Variants in EPC1 observed in about 807,000 individuals in gnomAD.
EPC1 encodes the protein enhancer of polycomb homolog 1.
A neutral mutation model predicts 98.4 loss-of-function variants in EPC1; 12 were observed. That is an observed-to-expected ratio of 0.12 (90% CI 0.08 to 0.20). The LOEUF is 0.20. Among genes scored for constraint, EPC1 ranks in the 10% least tolerant of loss-of-function variants. EPC1 has a pLI of 1.00. For missense variants in EPC1, 729 were observed against 990.5 expected, an observed-to-expected ratio of 0.74 and a Z score of 3.54; for synonymous variants, 357 against 363.9, an observed-to-expected ratio of 0.98 and a Z score of 0.21.
chr10:32,370,224 G>T (rs1282449823), intron 1 of EPC1, among the ~76,000 whole-genome samples: 1 of 152,038 alleles, frequency 6.6e-6, no homozygotes, highest in Non-Finnish European at 1.5e-5. Flanking sequence ...TCAATTTTTT[G>T]CTTCACTCCA....
intron 2 of EPC1, among the ~76,000 whole-genome samples, chr10:32,299,831 C>T (rs1346507849): frequency 6.6e-6 from 1 of 152,142 alleles, no homozygotes; most frequent in Non-Finnish European, 1.5e-5. Flanking sequence ...TGCAAATCTC[C>T]TCATCAAAAT....
chr10:32,347,765 T>C (rs1333185719), upstream of EPC1, among the ~76,000 whole-genome samples: 1 of 152,254 alleles, frequency 6.6e-6, no homozygotes, highest in African/African-American at 2.4e-5. Flanking sequence ...GATGCTACTT[T>C]GAGTAAACTT....
At chr10:32,274,081 A>C (rs575455430) in intron 10 of EPC1, 11 of 151,892 alleles carry the variant, frequency 7.2e-5, no homozygotes, top group Admixed American at 6.6e-4. Context: ...TTACCCCCCC[A>C]AAAAAGTGTG....
At chr10:32,376,821 A>G (rs979796045) in intron 1 of EPC1, among the ~76,000 whole-genome samples, 10 of 152,152 alleles carry the variant, frequency 6.6e-5, no homozygotes, top group Non-Finnish European at 1.5e-4. Flanking sequence ...AATCTTATGG[A>G]AAAGTGGTCT....
Position 32,286,951 on chromosome 10 carries a change from C to G in EPC1, c.1217G>C (p.Arg406Thr), listed in dbSNP as rs1192951277. The G allele has an allele frequency of 6.2e-7, 1 of 1,613,756 alleles. No individual in the cohort carries two copies. The highest frequency in any genetic ancestry group is 1.1e-5 in the South Asian group (1 of 91,018). The stretch of plus-strand genomic sequence containing the variant: ...AGCATAGTACTGACAGCCTGCTTTC[C>G]TACGGAAAGCAAAAGGACCATCAGG... ...NDPDGPFAFR[R>T]KAGCQYYAPH... Residue 406 changes from arginine to threonine, a missense_variant, in exon 8 of 14, where the codon AGG (arginine) becomes ACG (threonine). Coordinates refer to ENST00000319778, the MANE Select transcript of EPC1 (RefSeq NM_001272004.3).
At chr10:32,358,999 C>T (rs1375270586) in intron 1 of EPC1, among the ~76,000 whole-genome samples, 1 of 152,160 alleles carries the variant, frequency 6.6e-6, no homozygotes, top group Admixed American at 6.5e-5. Flanking sequence ...GGAAGTCCTG[C>T]AGAAAAGAAA....
At chr10:32,310,914 C>T (rs1297420017) in intron 1 of EPC1, among the ~76,000 whole-genome samples, 1 of 151,444 alleles carries the variant, frequency 6.6e-6, no homozygotes, top group Non-Finnish European at 1.5e-5. Flanking sequence ...TTATCTTTAA[C>T]AGTCAAGAAA....
intron 1 of EPC1, among the ~76,000 whole-genome samples, chr10:32,378,285 T>A (rs1263101876): frequency 6.6e-6 from 1 of 150,556 alleles, no homozygotes; most frequent in East Asian, 2.0e-4. Flanking sequence ...ATTTATATTA[T>A]AAACATTTAG....
intron 1 of EPC1, among the ~76,000 whole-genome samples, chr10:32,342,763 C>A (rs573547603): frequency 6.6e-6 from 1 of 152,306 alleles, no homozygotes; most frequent in African/African-American, 2.4e-5. Flanking sequence ...CCCTAGACAA[C>A]CCAATGAAAA....
chr10:32,270,881 G>A (rs1250572791), intron 13 of EPC1, among the ~76,000 whole-genome samples: 2 of 150,514 alleles, frequency 1.3e-5, no homozygotes, highest in Non-Finnish European at 2.9e-5. Context: ...ATGGGGCAGG[G>A]GTTTCTATCA....
intron 2 of EPC1, among the ~76,000 whole-genome samples, chr10:32,295,668 T>A (rs1018880358): frequency 6.6e-6 from 1 of 152,174 alleles, no homozygotes; most frequent in African/African-American, 2.4e-5. Context: ...ATAATGCAGG[T>A]CTATGTTGTC....
At chr10:32,375,350 TC>T (rs1839850001) in intron 1 of EPC1, among the ~76,000 whole-genome samples, 1 of 152,102 alleles carries the variant, frequency 6.6e-6, no homozygotes, top group African/African-American at 2.4e-5. Flanking sequence ...AAATCTTTCT[TC>T]CCTTTGTTAC....
rs530203698 is a variant in EPC1 at position 32,340,086 on chromosome 10, T to A, written c.153+6677A>T. 3.3e-5 allele frequency among the ~76,000 whole-genome samples: 5 copies of A among 152,356 alleles called. 1 individual carries two copies. In the South Asian group the frequency reaches 1.0e-3, roughly 32 times the overall value. ...CACATCCAATTTCTTCAGTCAGTAC[T>A]TGCTATACTGAGGGAAATTCAACCA... On this transcript the variant is annotated intron_variant, in intron 1 of 13. Transcript: ENST00000319778.
At chr10:32,342,921 A>G (rs184372764) in intron 1 of EPC1, among the ~76,000 whole-genome samples, 3 of 152,382 alleles carry the variant, frequency 2.0e-5, no homozygotes, top group East Asian at 3.9e-4. Flanking sequence ...AAGATTTGAT[A>G]GTATTAATCC....
intron 1 of EPC1, among the ~76,000 whole-genome samples, chr10:32,326,581 C>CA (rs984651237): frequency 1.1e-4 from 16 of 151,732 alleles, no homozygotes; most frequent in Admixed American, 2.6e-4. Flanking sequence ...ACTATTATAA[C>CA]AAAAAAAACT....
chr10:32,275,401 A>C (rs540957851), intron 10 of EPC1, among the ~76,000 whole-genome samples: 41 of 152,358 alleles, frequency 2.7e-4, no homozygotes, highest in African/African-American at 8.7e-4. Flanking sequence ...TGGGAGGCCG[A>C]GGTGGGTGGA....
chr10:32,269,106 A>G lies in EPC1; in HGVS notation c.2399T>C (p.Leu800Pro). 6.2e-7 allele frequency: 1 copy of G among 1,613,978 alleles called. No individual in the cohort carries two copies. The highest frequency in any genetic ancestry group is 8.5e-7 in the Non-Finnish European group (1 of 1,179,904). ...TACTGTGTTGTCTGCTATGTTGTTC[A>G]GTGCTGGCTTTTCTGATTCATGATT... ...RENHESEKPALNNIADNTVAM... is the reference protein window; with the variant it reads ...RENHESEKPAPNNIADNTVAM... The change falls in exon 14 of 14, where the codon CTG (leucine) becomes CCG (proline). Residue 800 changes from leucine (L) to proline (P), a missense_variant. By Grantham distance (98) the Leu-to-Pro change is moderately conservative. Transcript: ENST00000319778.
chr10:32,269,423 G>A (rs762578584), intron 13 of EPC1: 2 of 293,812 alleles, frequency 6.8e-6, no homozygotes, highest in South Asian at 3.7e-5. Flanking sequence ...AGTAATTGTT[G>A]TTTCAAGTTC....
intron 1 of EPC1, among the ~76,000 whole-genome samples, chr10:32,326,655 G>C (rs896036854): frequency 2.0e-5 from 3 of 152,074 alleles, no homozygotes; most frequent in Non-Finnish European, 2.9e-5. Flanking sequence ...TAGAAGGATG[G>C]CAATCCTTAA....
Sources: gnomAD v4.1 joint callset for allele counts (sites outside exome capture counted in the v4.1 genomes callset) on GRCh38, gnomAD v4.1.1 for gene constraint, MANE v1.5 for transcripts, NCBI Gene and HGNC (gene_info 2026-07-23, HGNC 2026-07-21) for gene names.